Variants in SHROOM1 observed in about 807,000 individuals in gnomAD.
SHROOM1 encodes protein Shroom1.
A neutral mutation model predicts 64.2 loss-of-function variants in SHROOM1; 53 were observed. The ratio of observed to expected loss-of-function variants is 0.83; its 90% CI spans 0.66 to 1.04. The LOEUF (loss-of-function observed/expected upper bound fraction) is 1.04. Among genes scored for constraint, SHROOM1 ranks in the 50% least tolerant of loss-of-function variants. The pLI is 0.00. For synonymous variants in SHROOM1, 490 were observed against 518.9 expected (o/e 0.94, Z 0.76); for missense variants, 1,179 against 1,163.2 (o/e 1.01, Z -0.20).
chr5:132,827,818 T>C (rs1481233910), intron 1 of SHROOM1, among the ~76,000 whole-genome samples: 1 of 152,152 alleles, frequency 6.6e-6, no homozygotes, highest in Non-Finnish European at 1.5e-5. Context: ...CTTGCCACCA[T>C]AGACACTGGC....
rs1020651641 is a variant in SHROOM1 at position 132,824,099 on chromosome 5, T to C, written c.1562A>G (p.Asn521Ser). ...SGNDTPGPSH[N>S]TALARGTGQP... ...GCCAGTGCCCCTGGCTAGGGCAGTA[T>C]TGTGAGAGGGACCTGGAGTATCATT... Residue 521 changes from asparagine (N) to serine (S), a missense_variant, in exon 7 of 10, where the codon AAT (asparagine) becomes AGT (serine). Transcript: ENST00000378679. 2 of 1,614,024 alleles carry C rather than the reference T, an allele frequency of 1.2e-6. No individual in the cohort carries two copies. The highest frequency in any genetic ancestry group is 8.5e-7 in the Non-Finnish European group (1 of 1,179,986).
At position 132,826,237 on chromosome 5, in the gene SHROOM1, AGCCTGCTGGCCCCGCCACCACGGACG is replaced by A; in HGVS notation, c.-43+14_-43+39del. ...AGGAGCTCCGGGTGAGGGCTGGGACAGCCTGCTGGCCCCGCCACCACGGACGGCCAGACACTTACACTTCCCCTCCC... is the reference window on the plus strand; with the variant it reads ...AGGAGCTCCGGGTGAGGGCTGGGACAGCCAGACACTTACACTTCCCCTCCC... On this transcript the variant is annotated intron_variant, in intron 3 of 9. Coordinates refer to ENST00000378679, the MANE Select transcript of SHROOM1 (RefSeq NM_001172700.2). 7.9e-7 allele frequency: 1 copy of A among 1,261,036 alleles called. No individual in the cohort carries two copies. The allele number at this position is 1,261,036 out of a possible 1,614,324, so 78.1% of individuals were successfully genotyped here. A position where few individuals can be genotyped will look rare whatever the true frequency, so the allele number is the denominator to read the frequency against.
rs747218976 is a variant in SHROOM1 at position 132,824,191 on chromosome 5, A to C, written c.1470T>G (p.Asn490Lys). The C allele has an allele frequency of 2.5e-6, 4 of 1,613,824 alleles. No homozygotes were observed. In the South Asian group the frequency reaches 4.4e-5, roughly 18 times the overall value. Residue 490 changes from asparagine to lysine, a missense_variant, in exon 7 of 10, where the codon AAT (asparagine) becomes AAG (lysine). Coordinates refer to ENST00000378679, the MANE Select transcript of SHROOM1 (RefSeq NM_001172700.2). ...PTIDPTGLTTNPPTAAESDLL... is the reference protein window; with the variant it reads ...PTIDPTGLTTKPPTAAESDLL... ...GGTCACTCTCTGCAGCTGTGGGGGGATTGGTGGTCAGTCCAGTGGGGTCAA... is the reference window on the plus strand; with the variant it reads ...GGTCACTCTCTGCAGCTGTGGGGGGCTTGGTGGTCAGTCCAGTGGGGTCAA...
Position 132,824,155 on chromosome 5 carries a change from A to C in SHROOM1, c.1506T>G (p.Pro502=). The C allele has an allele frequency of 6.2e-7, 1 of 1,614,208 alleles. No homozygotes were observed. Among genetic ancestry groups the C allele is most frequent in the Non-Finnish European group, 8.5e-7 (1 of 1,180,036 alleles). The part of the protein sequence containing the change: ...PTAAESDLLK[P]VPADALGLSG... ...AAAGTCCCAAGGCATCAGCTGGGAC[A>C]GGTTTGAGGAGGTCACTCTCTGCAG... Residue 502 remains proline (P), a synonymous_variant, in exon 7 of 10, where the codon CCT becomes CCG. Coordinates refer to ENST00000378679, the MANE Select transcript of SHROOM1 (RefSeq NM_001172700.2).
chr5:132,825,282 GGTTCAT>G lies in SHROOM1; in HGVS notation c.853_858del (p.Met285_Asn286del). The G allele has an allele frequency of 6.2e-7, 1 of 1,613,338 alleles. No homozygotes were observed. Among genetic ancestry groups the G allele is most frequent in the Non-Finnish European group, 8.5e-7 (1 of 1,179,910 alleles). On this transcript the variant is annotated inframe_deletion, in exon 4 of 10. Transcript: ENST00000378679. The surrounding 1 kb of genome is among the most constrained non-coding windows in gnomAD (Gnocchi z 5.1). ...CCGAGCTTCAAGGACCCGGAGTCCA[GGTTCAT>G]GGAGCCTTGGGGTTGCGTCTCGGGC...
chr5:132,830,449 C>A lies in SHROOM1; in HGVS notation c.-501+145G>T. 1 of 985,040 alleles carries A rather than the reference C, an allele frequency of 1.0e-6. No homozygotes were observed. The highest frequency in any genetic ancestry group is 1.2e-6 in the Non-Finnish European group (1 of 829,874). The allele number at this position is 985,040 out of a possible 1,614,324, so 61.0% of individuals were successfully genotyped here. A position where few individuals can be genotyped will look rare whatever the true frequency, so the allele number is the denominator to read the frequency against. ...ACCTGACGCGGCGCCGAGCCAGACA[C>A]GTCCCGGCCGAACGATGCCCGGGCT... On this transcript the variant is annotated intron_variant, in intron 1 of 9. Coordinates refer to ENST00000378679, the MANE Select transcript of SHROOM1 (RefSeq NM_001172700.2). This position sits in a 1 kb window ranked among gnomAD's most constrained non-coding sequence, Gnocchi z 5.9.
rs1309361531 is a variant in SHROOM1 at position 132,823,946 on chromosome 5, AGGCCCAGGGGTGGCTCTG to A, written c.1697_1714del (p.Pro566_Gly571del). ...TGCTAAAGGAATCAGTCCATCCAGC[AGGCCCAGGGGTGGCTCTG>A]GGCTGGGCTGGGAAGCAAGAGGGTC... On this transcript the variant is annotated inframe_deletion, in exon 7 of 10. Transcript: ENST00000378679. The surrounding 1 kb of genome is among the most constrained non-coding windows in gnomAD (Gnocchi z 4.6). 6 of 1,589,798 alleles carry A rather than the reference AGGCCCAGGGGTGGCTCTG, an allele frequency of 3.8e-6. No homozygotes were observed. Among genetic ancestry groups the A allele is most frequent in the African/African-American group, 2.7e-5 (2 of 74,262 alleles).
Position 132,825,325 on chromosome 5 carries a change from C to T in SHROOM1, c.816G>A (p.Glu272=). 6.2e-7 allele frequency: 1 copy of T among 1,607,964 alleles called. No homozygotes were observed. The highest frequency in any genetic ancestry group is 8.5e-7 in the Non-Finnish European group (1 of 1,179,622). Residue 272 remains glutamate (E), a synonymous_variant, in exon 4 of 10, where the codon GAG becomes GAA. Transcript: ENST00000378679. This position sits in a 1 kb window ranked among gnomAD's most constrained non-coding sequence, Gnocchi z 5.1. ...HPALAKFEDH[E]VGWLPETQPQ... is the part of the protein sequence containing the mutation. ...GTTGCGTCTCGGGCAGCCATCCGAC[C>T]TCGTGATCTTCAAACTTAGCCAGCG...
chr5:132,824,295 C>T lies in SHROOM1; in HGVS notation c.1366G>A (p.Gly456Arg), dbSNP rs1458217378. 6.2e-7 allele frequency: 1 copy of T among 1,613,676 alleles called. No homozygotes were observed. The highest frequency in any genetic ancestry group is 1.1e-5 in the South Asian group (1 of 91,006). The change falls in exon 7 of 10, where the codon GGG (glycine) becomes AGG (arginine). Residue 456 changes from glycine to arginine, a missense_variant. Physicochemically the swap from Gly to Arg is moderately radical, Grantham distance 125. Transcript: ENST00000378679. ...GAAATACCTACAGAACCATTCACCCCCTGCCAGCAGTCATCTGCCCCTGCA... is the reference window on the plus strand; with the variant it reads ...GAAATACCTACAGAACCATTCACCCTCTGCCAGCAGTCATCTGCCCCTGCA... The part of the protein sequence containing the change: ...GTAGADDCWQ[G>R]VNGSVGISRP...
In SHROOM1 at chr5:132,830,149, A is replaced by G. The variant is rs914568972; in HGVS notation, c.-501+445T>C. On this transcript the variant is annotated intron_variant, in intron 1 of 9. Coordinates refer to ENST00000378679, the MANE Select transcript of SHROOM1 (RefSeq NM_001172700.2). The surrounding 1 kb of genome is among the most constrained non-coding windows in gnomAD (Gnocchi z 5.9). ...ACAGCAGATGGCCGCAGCCCCGCGC[A>G]GTTCTGGGCCTTTCCCGTTGGGTTC... The G allele has an allele frequency of 2.0e-6, 2 of 984,852 alleles. No homozygotes were observed. Among genetic ancestry groups the G allele is most frequent in the Non-Finnish European group, 2.4e-6 (2 of 829,752 alleles). 61.0% of individuals were successfully genotyped at this position (984,852 alleles called of 1,614,324 possible).
chr5:132,827,303 G>A (rs1214197183), intron 2 of SHROOM1, among the ~76,000 whole-genome samples, 158 bp downstream of exon 2: 1 of 152,196 alleles, frequency 6.6e-6, no homozygotes, highest in African/African-American at 2.4e-5. Flanking sequence ...GCCCAGCAGA[G>A]TCCCTGGCAT....
In SHROOM1 at chr5:132,830,573, T is replaced by C. The variant is rs1015265202; in HGVS notation, c.-501+21A>G. On this transcript the variant is annotated intron_variant, in intron 1 of 9. Coordinates refer to ENST00000378679, the MANE Select transcript of SHROOM1 (RefSeq NM_001172700.2). This position sits in a 1 kb window ranked among gnomAD's most constrained non-coding sequence, Gnocchi z 5.9. Reference sequence around the variant, plus strand: ...GCGGACCCAGCCGCCCGCTTCCCGCTCCCCCGCCCCCGCCGCGTACCTGAG... The same window carrying C: ...GCGGACCCAGCCGCCCGCTTCCCGCCCCCCCGCCCCCGCCGCGTACCTGAG... 2.0e-6 allele frequency: 2 copies of C among 981,620 alleles called. No homozygotes were observed. Among genetic ancestry groups the C allele is most frequent in the South Asian group, 9.3e-5 (2 of 21,502 alleles). 60.8% of individuals were successfully genotyped at this position (981,620 alleles called of 1,614,324 possible).
In SHROOM1 at chr5:132,825,601, C is replaced by T; in HGVS notation, c.540G>A (p.Pro180=). 7.3e-7 allele frequency: 1 copy of T among 1,379,020 alleles called. No individual in the cohort carries two copies. The highest frequency in any genetic ancestry group is 9.3e-7 in the Non-Finnish European group (1 of 1,074,236). 85.4% of individuals were successfully genotyped at this position (1,379,020 alleles called of 1,614,324 possible). A position where few individuals can be genotyped will look rare whatever the true frequency, so the allele number is the denominator to read the frequency against. The change falls in exon 4 of 10, where the codon CCG becomes CCA. Residue 180 remains proline (P), a synonymous_variant. Transcript: ENST00000378679. This position sits in a 1 kb window ranked among gnomAD's most constrained non-coding sequence, Gnocchi z 5.1. The part of the protein sequence containing the change: ...RLRPTVPARP[P]ATHPRSASLS... ...GCGAGGCGGAGCGCGGGTGAGTCGCCGGGGGCCGCGCTGGGACAGTGGGCC... is the reference window on the plus strand; with the variant it reads ...GCGAGGCGGAGCGCGGGTGAGTCGCTGGGGGCCGCGCTGGGACAGTGGGCC...
In SHROOM1 at chr5:132,823,270, C is replaced by T. The variant is rs1374582278; in HGVS notation, c.2206G>A (p.Asp736Asn). Residue 736 changes from aspartate (D) to asparagine (N), a missense_variant, in exon 9 of 10, where the codon GAC becomes AAC. Coordinates refer to ENST00000378679, the MANE Select transcript of SHROOM1 (RefSeq NM_001172700.2). This position sits in a 1 kb window ranked among gnomAD's most constrained non-coding sequence, Gnocchi z 4.6. ...TTTACCTGCTCATCAGGGTCGCTGT[C>T]TGAGGCCGCCCGGGCCAGGGCGCGG... is the stretch of plus-strand genomic sequence containing the variant. ...VRRALARAAS[D>N]SDPDEQASLL... 4.4e-6 allele frequency: 7 copies of T among 1,598,746 alleles called. No homozygotes were observed. Among genetic ancestry groups the T allele is most frequent in the Non-Finnish European group, 5.1e-6 (6 of 1,178,298 alleles).
chr5:132,826,164 C>T lies in SHROOM1; in HGVS notation c.-24G>A, dbSNP rs778345140. The T allele has an allele frequency of 1.5e-6, 2 of 1,322,666 alleles. No individual in the cohort carries two copies. Among genetic ancestry groups the T allele is most frequent in the Non-Finnish European group, 1.9e-6 (2 of 1,037,666 alleles). 81.9% of individuals were successfully genotyped at this position (1,322,666 alleles called of 1,614,324 possible). A position where few individuals can be genotyped will look rare whatever the true frequency, so the allele number is the denominator to read the frequency against. On this transcript the variant is annotated 5_prime_UTR_variant, in exon 4 of 10. Transcript: ENST00000378679. ...ATGGCTGCGCAGATGAGTGCTGAGGCTGGGTGGCTGCGTGGGTCCTGGGAA... is the reference window on the plus strand; with the variant it reads ...ATGGCTGCGCAGATGAGTGCTGAGGTTGGGTGGCTGCGTGGGTCCTGGGAA...
Position 132,823,590 on chromosome 5 carries a change from A to AC in SHROOM1, c.1953+32dup. 1 of 1,563,690 alleles carries AC rather than the reference A, an allele frequency of 6.4e-7. No homozygotes were observed. Among genetic ancestry groups the AC allele is most frequent in the Non-Finnish European group, 8.7e-7 (1 of 1,151,850 alleles). The stretch of plus-strand genomic sequence containing the variant: ...CTGCCCAGGCTCTGGGCTCCTACCC[A>AC]CCCCCAGCCTCCACCAGCCCTTCTC... On this transcript the variant is annotated intron_variant, in intron 8 of 9. Transcript: ENST00000378679. The surrounding 1 kb of genome is among the most constrained non-coding windows in gnomAD (Gnocchi z 4.6).
chr5:132,822,851 C>T lies in SHROOM1; in HGVS notation c.2504G>A (p.Arg835Gln). 2 of 1,613,040 alleles carry T rather than the reference C, an allele frequency of 1.2e-6. No homozygotes were observed. The highest frequency in any genetic ancestry group is 4.5e-5 in the East Asian group (2 of 44,844). ...AACTGGAGGACAGGTCCCTGGGGGC[C>T]GCGCCGGGCTGGGAGACGGGGCATG... Reference protein sequence around the residue: ...GHHAPSPSPARPPGTCPPVQP... With the variant: ...GHHAPSPSPAQPPGTCPPVQP... The change falls in exon 10 of 10, where the codon CGG becomes CAG. Residue 835 changes from arginine (R) to glutamine (Q), a missense_variant. Coordinates refer to ENST00000378679, the MANE Select transcript of SHROOM1 (RefSeq NM_001172700.2).
chr5:132,825,159 A>C lies in SHROOM1; in HGVS notation c.978+4T>G. 2 of 1,614,112 alleles carry C rather than the reference A, an allele frequency of 1.2e-6. No individual in the cohort carries two copies. Among genetic ancestry groups the C allele is most frequent in the Non-Finnish European group, 1.7e-6 (2 of 1,180,026 alleles). On this transcript the variant is annotated splice_donor_region_variant and intron_variant, in intron 4 of 9. Transcript: ENST00000378679. The surrounding 1 kb of genome is among the most constrained non-coding windows in gnomAD (Gnocchi z 5.1). ...CACCAGCCTGCATCTCCTGACTTCCATACCTGGACAATGGGTATGGTCCCT... is the reference window on the plus strand; with the variant it reads ...CACCAGCCTGCATCTCCTGACTTCCCTACCTGGACAATGGGTATGGTCCCT...
In SHROOM1 at chr5:132,822,545, A is replaced by G. The variant is rs1758477036; in HGVS notation, c.*251T>C. The G allele has an allele frequency of 2.7e-6, 1 of 371,004 alleles. No homozygotes were observed. Among genetic ancestry groups the G allele is most frequent in the Non-Finnish European group, 4.9e-6 (1 of 205,380 alleles). 23.0% of individuals were successfully genotyped at this position (371,004 alleles called of 1,614,324 possible). On this transcript the variant is annotated 3_prime_UTR_variant, in exon 10 of 10. Coordinates refer to ENST00000378679, the MANE Select transcript of SHROOM1 (RefSeq NM_001172700.2). ...CGCCCGGCTAATTTTTTATATTTTT[A>G]GTAGAGACGGGGTTTCACCGTGTTA...
Sources: allele counts gnomAD v4.1 joint callset (sites outside exome capture counted in the v4.1 genomes callset), GRCh38; gene constraint gnomAD v4.1.1; non-coding constraint Gnocchi (gnomAD v3.1); transcripts MANE v1.5; gene names NCBI Gene and HGNC (gene_info 2026-07-23, HGNC 2026-07-21).